CALN1: variants seen among roughly 807,000 people sequenced by gnomAD.
The protein encoded by CALN1 is calcium-binding protein 8.
In CALN1, 17 loss-of-function variants were observed where a neutral mutation model predicts 30.6. That is an observed-to-expected ratio of 0.56 (90% CI 0.38 to 0.83). The LOEUF (loss-of-function observed/expected upper bound fraction) is 0.83. CALN1 is among the 40% of genes least tolerant of loss of function. The probability of loss-of-function intolerance (pLI) is 0.00; values close to 1 mark genes in which losing one functional copy is unlikely to be tolerated. For synonymous variants in CALN1, 156 were observed against 131.4 expected (o/e 1.19, Z -1.28); for missense variants, 291 against 354.9 (o/e 0.82, Z 1.45).
chr7:72,051,000 A>G (rs1214800395), intron 4 of CALN1, among the ~76,000 whole-genome samples: 2 of 82,706 alleles, frequency 2.4e-5, no homozygotes, highest in Non-Finnish European at 5.6e-5. Flanking sequence ...ACCACAATAA[A>G]TAAATAAATA....
intron 5 of CALN1, among the ~76,000 whole-genome samples, chr7:71,964,783 AATG>A (rs1251891710): frequency 1.3e-5 from 2 of 152,180 alleles, no homozygotes; most frequent in Non-Finnish European, 2.9e-5. Context: ...CCTCTGTATA[AATG>A]ATAAGTCTGG....
chr7:72,374,623 C>G (rs1038625410), intron 2 of CALN1, among the ~76,000 whole-genome samples: 2 of 151,010 alleles, frequency 1.3e-5, no homozygotes, highest in African/African-American at 4.9e-5. Context: ...ACATCTGCAC[C>G]AAACTTCAAA....
chr7:72,246,496 T>C (rs752942027), intron 3 of CALN1, among the ~76,000 whole-genome samples: 3 of 152,126 alleles, frequency 2.0e-5, no homozygotes, highest in Non-Finnish European at 4.4e-5. Context: ...CCAGGCTAAC[T>C]TTCAGTAACT....
chr7:71,821,674 G>A (rs569573540), intron 5 of CALN1, among the ~76,000 whole-genome samples: 3 of 151,940 alleles, frequency 2.0e-5, no homozygotes, highest in South Asian at 2.1e-4. Flanking sequence ...CATTATACAC[G>A]GTCTTTAAAA....
chr7:71,868,358 A>C (rs1791711202), intron 5 of CALN1, among the ~76,000 whole-genome samples: 1 of 148,690 alleles, frequency 6.7e-6, no homozygotes, highest in African/African-American at 2.5e-5. Context: ...AGAGGGGAGG[A>C]AGTGCTACAC....
In CALN1 at chr7:72,403,194, C is replaced by G. The variant is rs115746057; in HGVS notation, c.119+57G>C. On this transcript the variant is annotated intron_variant, in intron 2 of 6. Transcript: ENST00000395275. Reference sequence around the variant, plus strand: ...AAGCCTCCTGGACCCCGCGCCACCCCCTACCTGAGGGCTGCCAAACAATCT... The same window carrying G: ...AAGCCTCCTGGACCCCGCGCCACCCGCTACCTGAGGGCTGCCAAACAATCT... 899 of 1,411,806 alleles carry G rather than the reference C, an allele frequency of 6.4e-4. 7 individuals are homozygous for G. The African/African-American group carries it at 0.012, about 18-fold the overall frequency. The allele number at this position is 1,411,806 out of a possible 1,614,324, so 87.5% of individuals were successfully genotyped here.
At chr7:71,953,493 A>G (rs1190895591) in intron 5 of CALN1, among the ~76,000 whole-genome samples, 1 of 152,064 alleles carries the variant, frequency 6.6e-6, no homozygotes, top group East Asian at 1.9e-4. Context: ...TCTCCTTTAT[A>G]TACTGTCAAG....
intron 5 of CALN1, among the ~76,000 whole-genome samples, chr7:71,968,223 T>C (rs987241008): frequency 1.3e-5 from 2 of 152,118 alleles, no homozygotes; most frequent in Non-Finnish European, 2.9e-5. Context: ...AGACTCGTAA[T>C]ACACACATCC....
intron 6 of CALN1, among the ~76,000 whole-genome samples, chr7:71,803,773 C>T (rs2116099292): frequency 6.6e-6 from 1 of 152,276 alleles, no homozygotes; most frequent in South Asian, 2.1e-4. Context: ...GCAGGAACCA[C>T]TGCACCCAGC....
At chr7:72,219,118 T>C (rs1265381972) in intron 3 of CALN1, among the ~76,000 whole-genome samples, 1 of 152,262 alleles carries the variant, frequency 6.6e-6, no homozygotes, top group African/African-American at 2.4e-5. Context: ...TCAGCCATTC[T>C]ATTTCTCAAT....
At chr7:72,120,980 A>G (rs1316095121) in intron 3 of CALN1, among the ~76,000 whole-genome samples, 10 of 151,812 alleles carry the variant, frequency 6.6e-5, no homozygotes, top group Non-Finnish European at 1.3e-4. Context: ...GTGAGGTTTG[A>G]GTGGGGAGAA....
chr7:71,797,395 T>C (rs1786994226), intron 6 of CALN1, among the ~76,000 whole-genome samples: 1 of 152,168 alleles, frequency 6.6e-6, no homozygotes, highest in African/African-American at 2.4e-5. Flanking sequence ...TTCTATGAAA[T>C]TGGCTATTTA....
intron 2 of CALN1, among the ~76,000 whole-genome samples, chr7:72,365,961 T>C (rs1462648079): frequency 1.3e-5 from 2 of 152,112 alleles, no homozygotes; most frequent in Non-Finnish European, 2.9e-5. Flanking sequence ...GGCATACCCT[T>C]GGATTCACTA....
intron 2 of CALN1, among the ~76,000 whole-genome samples, chr7:72,370,276 T>G (rs1203680654): frequency 1.3e-5 from 2 of 152,244 alleles, no homozygotes; most frequent in African/African-American, 4.8e-5. Flanking sequence ...TTGCTGTATA[T>G]ATTTTACCTA....
chr7:71,947,416 T>TA (rs1224521313), intron 5 of CALN1, among the ~76,000 whole-genome samples: 3 of 152,128 alleles, frequency 2.0e-5, no homozygotes, highest in African/African-American at 7.2e-5. Context: ...CAGTTTGAGT[T>TA]AAAATCCAGT....
intron 6 of CALN1, among the ~76,000 whole-genome samples, chr7:71,797,665 C>T (rs1234804217): frequency 1.3e-5 from 2 of 152,196 alleles, no homozygotes; most frequent in Non-Finnish European, 2.9e-5. Flanking sequence ...AGACCCCAGA[C>T]AGCTGTGTTT....
intron 5 of CALN1, among the ~76,000 whole-genome samples, chr7:71,939,497 T>C (rs1038765223): frequency 2.0e-5 from 3 of 149,546 alleles, no homozygotes; most frequent in Non-Finnish European, 4.4e-5. Context: ...TACTTGAACC[T>C]GGGAGGCAGA....
intron 5 of CALN1, among the ~76,000 whole-genome samples, chr7:71,907,496 G>A (rs1044503400): frequency 1.3e-5 from 2 of 152,186 alleles, no homozygotes; most frequent in Non-Finnish European, 2.9e-5. Context: ...AAAGCTGTGA[G>A]TCAGAACCGG....
chr7:71,799,767 C>T (rs755167724), intron 6 of CALN1, among the ~76,000 whole-genome samples: 8 of 152,262 alleles, frequency 5.3e-5, no homozygotes, highest in African/African-American at 7.2e-5. Flanking sequence ...TGAGCCGCCG[C>T]GCCCAGCTGG....
Sources: allele counts gnomAD v4.1 joint callset (sites outside exome capture counted in the v4.1 genomes callset), GRCh38; gene constraint gnomAD v4.1.1; transcripts MANE v1.5; gene names NCBI Gene and HGNC (gene_info 2026-07-23, HGNC 2026-07-21).